Variants in TLL1 observed in about 807,000 individuals in gnomAD.
TLL1 encodes the protein tolloid like 1.
Under a neutral mutation model 128.2 loss-of-function variants are expected in TLL1, and 49 were observed. The observed-to-expected ratio is 0.38, with a 90% confidence interval of 0.30 to 0.48. The LOEUF (loss-of-function observed/expected upper bound fraction) is 0.48. TLL1 is among the 20% of genes least tolerant of loss of function. TLL1 has a pLI of 0.96. For missense variants in TLL1, 1,123 were observed against 1,242.0 expected (o/e 0.90, Z 1.44); for synonymous variants, 454 against 418.8 (o/e 1.08, Z -1.03).
chr4:165,935,816 G>A (rs1030751170), intron 1 of TLL1, among the ~76,000 whole-genome samples: 3 of 152,130 alleles, frequency 2.0e-5, no homozygotes, highest in African/African-American at 7.2e-5. Context: ...ATCTGAGGGA[G>A]AATTTGTACT....
chr4:165,974,131 A>ATTTTTTTT (rs1735759298), intron 1 of TLL1, among the ~76,000 whole-genome samples: 1 of 53,878 alleles, frequency 1.9e-5, no homozygotes, highest in African/African-American at 8.0e-5. Flanking sequence ...CCTGGACCTC[A>ATTTTTTTT]TCTTTTTTTT....
intron 2 of TLL1, among the ~76,000 whole-genome samples, chr4:165,990,604 G>C (rs1285060515): frequency 1.3e-5 from 2 of 151,972 alleles, no homozygotes; most frequent in Non-Finnish European, 2.9e-5. Context: ...TGTGTTGTGT[G>C]TGTGTGCATA....
intron 4 of TLL1, 63 bp downstream of exon 4, chr4:165,994,596 T>C (rs1406339155): frequency 6.4e-7 from 1 of 1,574,718 alleles, no homozygotes; most frequent in Non-Finnish European, 8.7e-7. Context: ...AGATTAAGTG[T>C]CTATTTTTAT....
Position 166,042,104 on chromosome 4 carries a change from A to G in TLL1, c.1339A>G (p.Ser447Gly). 1.2e-6 allele frequency: 2 copies of G among 1,612,340 alleles called. No homozygotes were observed. Among genetic ancestry groups the G allele is most frequent in the Non-Finnish European group, 1.7e-6 (2 of 1,178,628 alleles). The change falls in exon 11 of 21, where the codon AGT becomes GGT. Residue 447 changes from serine to glycine, a missense_variant. By Grantham distance (56) the Ser-to-Gly change is moderately conservative. Around this residue, in one of 3 missense-constraint regions of TLL1, gnomAD observed 9 missense variants for 27.2 expected, o/e 0.33. Transcript: ENST00000061240. ...SRMWIEFRSSSNWVGKGFAAV... is the reference protein window; with the variant it reads ...SRMWIEFRSSGNWVGKGFAAV... ...AATGTGGATTGAGTTTCGTAGCAGCAGTAATTGGGTAGGAAAAGGCTTTGC... is the reference window on the plus strand; with the variant it reads ...AATGTGGATTGAGTTTCGTAGCAGCGGTAATTGGGTAGGAAAAGGCTTTGC...
At chr4:165,981,757 T>A (rs894036078) in intron 1 of TLL1, among the ~76,000 whole-genome samples, 1 of 152,080 alleles carries the variant, frequency 6.6e-6, no homozygotes, top group Non-Finnish European at 1.5e-5. Context: ...GTTTTGTTGC[T>A]ACCAGGATGC....
chr4:165,966,695 GT>G (rs1322665115), intron 1 of TLL1, among the ~76,000 whole-genome samples: 1 of 152,098 alleles, frequency 6.6e-6, no homozygotes, highest in Non-Finnish European at 1.5e-5. Context: ...AAACCAGCAA[GT>G]TTTTATTATG....
intron 15 of TLL1, among the ~76,000 whole-genome samples, chr4:166,064,731 A>G (rs1409427924): frequency 2.6e-5 from 4 of 152,122 alleles, no homozygotes; most frequent in Non-Finnish European, 4.4e-5. Context: ...AGTCTTTTAT[A>G]CTATATTGGA....
rs534988909 is a variant in TLL1, at chr4:165,979,431, T to C, written c.170-9950T>C. 2.0e-5 allele frequency among the ~76,000 whole-genome samples: 3 copies of C among 152,180 alleles called. No individual in the cohort carries two copies. The East Asian group carries it at 5.8e-4, about 29-fold the overall frequency. Reference sequence around the variant, plus strand: ...TGAAAAAGAAAACAGTTTAATGATATTTATATAATAAAAATTATTAAGCAA... The same window carrying C: ...TGAAAAAGAAAACAGTTTAATGATACTTATATAATAAAAATTATTAAGCAA... On this transcript the variant is annotated intron_variant, in intron 1 of 20. Coordinates refer to ENST00000061240, the MANE Select transcript of TLL1 (RefSeq NM_012464.5).
intron 1 of TLL1, among the ~76,000 whole-genome samples, chr4:165,956,718 C>T (rs564097803): frequency 2.6e-5 from 4 of 152,106 alleles, no homozygotes; most frequent in African/African-American, 9.6e-5. Context: ...GATGTACATC[C>T]TCAGCTTACA....
intron 1 of TLL1, among the ~76,000 whole-genome samples, chr4:165,891,069 A>T (rs2110831153): frequency 6.6e-6 from 1 of 152,320 alleles, no homozygotes; most frequent in Admixed American, 6.5e-5. Flanking sequence ...CCTCTGAAGC[A>T]ATGGCCTGAG....
At chr4:166,046,288 A>G (rs1352208144) in intron 12 of TLL1, among the ~76,000 whole-genome samples, 2 of 152,224 alleles carry the variant, frequency 1.3e-5, no homozygotes, top group East Asian at 1.9e-4. Flanking sequence ...GCCTGGATAC[A>G]TAAGAAAGAT....
chr4:166,051,299 T>TTCCTTCC, intron 12 of TLL1, among the ~76,000 whole-genome samples: 1 of 126,534 alleles, frequency 7.9e-6, no homozygotes, highest in Non-Finnish European at 1.7e-5. Flanking sequence ...CCCTCCCTCC[T>TTCCTTCC]TTCCTTCCTT....
At chr4:166,019,000 C>A (rs1738082537) in intron 8 of TLL1, among the ~76,000 whole-genome samples, 1 of 152,196 alleles carries the variant, frequency 6.6e-6, no homozygotes, top group Non-Finnish European at 1.5e-5. Flanking sequence ...AGGGCACATG[C>A]ATTCTCATGT....
intron 3 of TLL1, among the ~76,000 whole-genome samples, chr4:165,994,094 C>T (rs1395957631): frequency 2.0e-5 from 3 of 152,004 alleles, no homozygotes; most frequent in Non-Finnish European, 2.9e-5. Flanking sequence ...TTTTCTGTGG[C>T]CTATAAGCCT....
chr4:165,928,288 A>C (rs540282761), intron 1 of TLL1, among the ~76,000 whole-genome samples: 1 of 152,360 alleles, frequency 6.6e-6, no homozygotes, highest in African/African-American at 2.4e-5. Flanking sequence ...ATAGTTCCTG[A>C]TGTCTAAACG....
chr4:166,006,635 G>A (rs1279808451), intron 6 of TLL1, among the ~76,000 whole-genome samples: 1 of 151,682 alleles, frequency 6.6e-6, no homozygotes, highest in African/African-American at 2.4e-5. Context: ...CCTCTATCAT[G>A]GGTTGAAGAG....
intron 1 of TLL1, among the ~76,000 whole-genome samples, chr4:165,978,896 G>A (rs1177137402): frequency 7.9e-5 from 12 of 152,136 alleles, no homozygotes; most frequent in Admixed American, 1.3e-4. Flanking sequence ...TTTACTGTGT[G>A]GTTCTTGTAG....
Position 166,014,600 on chromosome 4 carries a change from A to T in TLL1, c.1042+40A>T, listed in dbSNP as rs765727856. 3.7e-6 allele frequency: 6 copies of T among 1,608,032 alleles called. No individual in the cohort carries two copies. In the African/African-American group the frequency reaches 8.0e-5, roughly 22 times the overall value. ...AAACACAAGAGCATGACTGTACTTG[A>T]TTGTGCTCTTCCAGATGAATAAGCC... On this transcript the variant is annotated intron_variant, in intron 8 of 20. Transcript: ENST00000061240.
At chr4:165,960,794 T>C (rs1735059696) in intron 1 of TLL1, among the ~76,000 whole-genome samples, 1 of 152,026 alleles carries the variant, frequency 6.6e-6, no homozygotes, top group African/African-American at 2.4e-5. Flanking sequence ...AAACTAGGCA[T>C]CGAAGAAACA....
Sources: gnomAD v4.1 joint callset for allele counts (sites outside exome capture counted in the v4.1 genomes callset) on GRCh38, gnomAD v4.1.1 for gene constraint, gnomAD v4.1.1 regional missense constraint, MANE v1.5 for transcripts, NCBI Gene and HGNC (gene_info 2026-07-23, HGNC 2026-07-21) for gene names.